Variants in TRIM5 observed in about 807,000 individuals in gnomAD.
TRIM5 encodes tripartite motif containing 5, also known as tripartite motif-containing protein 5.
TRIM5 carries 31 observed loss-of-function variants against 35.6 expected under a neutral mutation model. The ratio of observed to expected loss-of-function variants is 0.87; its 90% CI spans 0.65 to 1.18. TRIM5 has a LOEUF of 1.18. Ranked by LOEUF, TRIM5 falls within the 50% of genes most tolerant of loss-of-function variation. The probability of loss-of-function intolerance (pLI) is 0.00; values close to 1 mark genes in which losing one functional copy is unlikely to be tolerated. For synonymous variants in TRIM5, 243 were observed against 215.6 expected (o/e 1.13, Z -1.11); for missense variants, 609 against 591.6 (o/e 1.03, Z -0.31).
the TRIM5 span, among the ~76,000 whole-genome samples, chr11:5,626,110 C>T: frequency 3.3e-5 from 5 of 152,230 alleles, no homozygotes; most frequent in Non-Finnish European, 7.3e-5. Context: ...CTGCCTTACT[C>T]CTGGGTAGAA....
At chr11:5,639,423 G>A in the TRIM5 span, among the ~76,000 whole-genome samples, 6 of 152,046 alleles carry the variant, frequency 3.9e-5, no homozygotes. Flanking sequence ...GCTCACACCT[G>A]TAATCCCAGC....
the TRIM5 span, among the ~76,000 whole-genome samples, chr11:5,651,289 T>A: frequency 6.6e-6 from 1 of 152,198 alleles, no homozygotes; most frequent in Non-Finnish European, 1.5e-5. Flanking sequence ...TGTGCAGATT[T>A]CTTATATAAG....
chr11:5,631,503 G>A, the TRIM5 span, among the ~76,000 whole-genome samples: 1 of 152,152 alleles, frequency 6.6e-6, no homozygotes, highest in Non-Finnish European at 1.5e-5. Flanking sequence ...GGAACAAACA[G>A]GCCAAAGTGA....
At chr11:5,670,373 G>A (rs971178270) in intron 4 of TRIM5, among the ~76,000 whole-genome samples, 1 of 151,366 alleles carries the variant, frequency 6.6e-6, no homozygotes, top group Middle Eastern at 3.4e-3. Flanking sequence ...TTTTAGTAGA[G>A]ATGGGTTTTC....
At chr11:5,590,038 G>A in the TRIM5 span, 2 of 157,316 alleles carry the variant, frequency 1.3e-5, no homozygotes, top group African/African-American at 2.4e-5. Flanking sequence ...GGCTGCGGAG[G>A]GTGTACTGGG....
At chr11:5,609,704 C>T in the TRIM5 span, among the ~76,000 whole-genome samples, 1 of 152,146 alleles carries the variant, frequency 6.6e-6, no homozygotes, top group African/African-American at 2.4e-5. Context: ...GGGCAGATCA[C>T]GAGGTCAGGA....
chr11:5,610,468 GGA>G, the TRIM5 span: 1 of 1,612,624 alleles, frequency 6.2e-7, no homozygotes, highest in Non-Finnish European at 8.5e-7. Context: ...AATGTAGTAA[GGA>G]GAGAGATACC....
At chr11:5,606,293 G>A in the TRIM5 span, among the ~76,000 whole-genome samples, 10 of 151,454 alleles carry the variant, frequency 6.6e-5, no homozygotes, top group East Asian at 2.0e-3. Flanking sequence ...ATGTGTGTAG[G>A]TCGCAGATTA....
chr11:5,633,719 T>A, the TRIM5 span: 1 of 1,384,378 alleles, frequency 7.2e-7, no homozygotes, highest in Non-Finnish European at 9.6e-7. Context: ...TTTTCTGGGA[T>A]CAACTTGATT....
chr11:5,615,958 A>G, the TRIM5 span, among the ~76,000 whole-genome samples: 1 of 124,058 alleles, frequency 8.1e-6, no homozygotes, highest in Non-Finnish European at 1.6e-5. Context: ...TTTGAGACGG[A>G]GTCTCGCTCT....
the TRIM5 span, chr11:5,589,957 G>C: frequency 8.4e-5 from 13 of 154,756 alleles, no homozygotes; most frequent in African/African-American, 3.1e-4. Context: ...TGGGCTTGGC[G>C]GGCCCCGCAC....
At chr11:5,605,142 A>T in the TRIM5 span, 1 of 703,948 alleles carries the variant, frequency 1.4e-6, no homozygotes, top group Admixed American at 2.8e-5. Flanking sequence ...CCCGGGGCCA[A>T]TGGTCTGGGC....
chr11:5,596,530 C>CT, the TRIM5 span: 1 of 20,240 alleles, frequency 4.9e-5, no homozygotes, highest in Non-Finnish European at 1.5e-4. Context: ...TTCCCCCCTT[C>CT]CCCCTTCCCC....
intron 4 of TRIM5, among the ~76,000 whole-genome samples, chr11:5,675,584 G>A (rs1564918578): frequency 6.6e-6 from 1 of 151,886 alleles, no homozygotes; most frequent in Non-Finnish European, 1.5e-5. Flanking sequence ...GAAACACTGA[G>A]AGCTGAGGCA....
At chr11:5,667,641 A>G (rs1851244149) in intron 5 of TRIM5, 48 bp downstream of exon 5, 1 of 1,599,298 alleles carries the variant, frequency 6.3e-7, no homozygotes. Flanking sequence ...ATGGCTATAA[A>G]TCTCTCCTCA....
chr11:5,662,278 A>G (rs1367673794), downstream of TRIM5, among the ~76,000 whole-genome samples: 2 of 152,238 alleles, frequency 1.3e-5, no homozygotes, highest in Non-Finnish European at 1.5e-5. Flanking sequence ...AAACAAAACA[A>G]AAAACTTCAG....
chr11:5,603,840 G>A, the TRIM5 span: 1 of 1,474,196 alleles, frequency 6.8e-7, no homozygotes, highest in Non-Finnish European at 9.0e-7. Context: ...TATTTACCTA[G>A]AGAATGAACC....
At chr11:5,621,059 T>C in the TRIM5 span, among the ~76,000 whole-genome samples, 10 of 152,324 alleles carry the variant, frequency 6.6e-5, no homozygotes, top group South Asian at 2.1e-4. Context: ...TTTCTCTATG[T>C]GTAGACACAC....
intron 1 of TRIM5, among the ~76,000 whole-genome samples, chr11:5,681,261 C>T (rs767451259): frequency 3.2e-4 from 49 of 152,238 alleles, no homozygotes; most frequent in Admixed American, 1.4e-3. Flanking sequence ...CTGCTTCTTG[C>T]GGCCCAATAA....
Sources: allele counts gnomAD v4.1 joint callset (sites outside exome capture counted in the v4.1 genomes callset), GRCh38; gene constraint gnomAD v4.1.1; transcripts MANE v1.5; gene names NCBI Gene and HGNC (gene_info 2026-07-23, HGNC 2026-07-21).